Variants in AMPD1 observed in about 807,000 individuals in gnomAD.
The protein encoded by AMPD1 is adenosine monophosphate deaminase 1, also known as AMP deaminase 1.
AMPD1 carries 74 observed loss-of-function variants against 82.9 expected under a neutral mutation model. The observed-to-expected ratio is 0.89, with a 90% CI of 0.74 to 1.08. The LOEUF is 1.08. AMPD1 is among the 50% of genes least tolerant of loss of function. The probability of loss-of-function intolerance (pLI) is 0.00; values close to 1 mark genes in which losing one functional copy is unlikely to be tolerated. For missense variants in AMPD1, 881 were observed against 924.5 expected, an observed-to-expected ratio of 0.95 and a Z score of 0.61; for synonymous variants, 333 against 320.5, an observed-to-expected ratio of 1.04 and a Z score of -0.42.
rs1323985280 is a variant in AMPD1, at chr1:114,676,303, C to A, written c.1389-300G>T. On this transcript the variant is annotated intron_variant, in intron 10 of 15. Coordinates refer to ENST00000520113, the MANE Select transcript of AMPD1 (RefSeq NM_000036.3). ...CTCATAGAGGAATATGCAATTACGT[C>A]ATAAAAGCTTCAATATATGTGTGTA... 3 of 367,982 alleles carry A rather than the reference C, an allele frequency of 8.2e-6. No individual in the cohort carries two copies. The Admixed American group carries it at 1.2e-4, about 15-fold the overall frequency. The allele number at this position is 367,982 out of a possible 1,614,324, so 22.8% of individuals were successfully genotyped here.
At chr1:114,694,909 G>A (rs6663302) in intron 1 of AMPD1, among the ~76,000 whole-genome samples, 2 of 152,070 alleles carry the variant, frequency 1.3e-5, no homozygotes, top group South Asian at 2.1e-4. Flanking sequence ...CTTTCAAAAC[G>A]AATGTTTATT....
intron 9 of AMPD1, 103 bp downstream of exon 9, chr1:114,677,805 CCT>C (rs1658040737): frequency 3.0e-5 from 11 of 372,582 alleles, no homozygotes; most frequent in African/African-American, 1.1e-4. Context: ...CTCCCTCCTT[CCT>C]TCCTTCCTTC....
At position 114,680,294 on chromosome 1, in the gene AMPD1, C is replaced by T; in HGVS notation, c.732G>A (p.Met244Ile). 1 of 1,614,124 alleles carries T rather than the reference C, an allele frequency of 6.2e-7. No homozygotes were observed. ...YPNLDTFLDD[M>I]NFLLALIAQG... The stretch of plus-strand genomic sequence containing the variant: ...GAGCAATTAAAGCAAGTAAAAAATT[C>T]ATATCGTCTAAGAAGGTGTCCAGAT... Residue 244 changes from methionine (M) to isoleucine (I), a missense_variant, in exon 6 of 16, where the codon ATG becomes ATA. Transcript: ENST00000520113.
intron 2 of AMPD1, among the ~76,000 whole-genome samples, chr1:114,690,870 A>C (rs567385438): frequency 7.2e-5 from 11 of 152,278 alleles, no homozygotes; most frequent in African/African-American, 2.4e-4. Context: ...AAAGATGAGA[A>C]TGAGGATGAT....
intron 4 of AMPD1, among the ~76,000 whole-genome samples, chr1:114,685,124 T>C (rs1658273176): frequency 6.6e-6 from 1 of 152,146 alleles, no homozygotes; most frequent in African/African-American, 2.4e-5. Context: ...TCCCCAGTAG[T>C]TTAAGGTCCA....
intron 12 of AMPD1, chr1:114,675,087 A>T (rs929134664): frequency 1.6e-6 from 1 of 610,956 alleles, no homozygotes; most frequent in African/African-American, 1.8e-5. Flanking sequence ...TAAAGTGTTG[A>T]TTGCCTGGAT....
intron 10 of AMPD1, among the ~76,000 whole-genome samples, chr1:114,676,693 C>A (rs1327543829): frequency 6.6e-6 from 1 of 152,108 alleles, no homozygotes; most frequent in African/African-American, 2.4e-5. Flanking sequence ...CAAAAAATTA[C>A]TTTTTTTGGT....
intron 7 of AMPD1, 49 bp downstream of exon 7, chr1:114,679,530 T>C (rs1177549280): frequency 6.2e-7 from 1 of 1,608,078 alleles, no homozygotes; most frequent in Non-Finnish European, 8.5e-7. Context: ...CAATAAATAA[T>C]TGAATTGTTT....
intron 1 of AMPD1, among the ~76,000 whole-genome samples, chr1:114,694,078 G>A (rs1028047960): frequency 1.3e-5 from 2 of 152,120 alleles, no homozygotes; most frequent in East Asian, 1.9e-4. Flanking sequence ...AATTAGCCGG[G>A]CGTGGTGGCA....
In AMPD1 at chr1:114,678,520, G is replaced by A. The variant is rs759481062; in HGVS notation, c.905C>T (p.Thr302Ile). Reference sequence around the variant, plus strand: ...CATGCAAGCGGCTGCATGGATATGGGTGTCCACCTGTATGTATATTCAAAG... The same window carrying A: ...CATGCAAGCGGCTGCATGGATATGGATGTCCACCTGTATGTATATTCAAAG... ...RDFYNCRKVD[T>I]HIHAAACMNQ... The change falls in exon 8 of 16, where the codon ACC becomes ATC. Residue 302 changes from threonine to isoleucine, a missense_variant. By Grantham distance (89) the Thr-to-Ile change is moderately conservative (BLOSUM62 -1). This residue lies in a region of AMPD1 where 783 missense variants were observed against 786.4 expected (regional missense o/e 1.00). Transcript: ENST00000520113. 20 of 1,613,534 alleles carry A rather than the reference G, an allele frequency of 1.2e-5. No individual in the cohort carries two copies. The highest frequency in any genetic ancestry group is 4.4e-5 in the South Asian group (4 of 91,090).
Position 114,695,445 on chromosome 1 carries a change from C to A in AMPD1, c.22+5G>T, listed in dbSNP as rs764987569. Reference sequence around the variant, plus strand: ...CTGAGCTCTCCAAACACTTTGTACACCTACCTGGGAGTTTGAACAGAGGCA... The same window carrying A: ...CTGAGCTCTCCAAACACTTTGTACAACTACCTGGGAGTTTGAACAGAGGCA... On this transcript the variant is annotated splice_donor_5th_base_variant and intron_variant, in intron 1 of 15. Coordinates refer to ENST00000520113, the MANE Select transcript of AMPD1 (RefSeq NM_000036.3). 5 of 1,613,062 alleles carry A rather than the reference C, an allele frequency of 3.1e-6. 1 individual carries two copies. In the South Asian group the frequency reaches 5.5e-5, roughly 18 times the overall value.
chr1:114,677,771 TC>T (rs760321357), intron 9 of AMPD1, 138 bp downstream of exon 9: 280 of 413,724 alleles, frequency 6.8e-4, no homozygotes, highest in Non-Finnish European at 1.2e-3. Flanking sequence ...CCTCCCTCCC[TC>T]CCTTCCTTCC....
chr1:114,676,044 T>G lies in AMPD1; in HGVS notation c.1389-41A>C, dbSNP rs770097577. ...AAGAGAATTTAGGAGAAAAAAAGAT[T>G]TTTAGGACTGATAGCCCCAGTATGA... On this transcript the variant is annotated intron_variant, in intron 10 of 15. Transcript: ENST00000520113. 41 of 1,608,388 alleles carry G rather than the reference T, an allele frequency of 2.5e-5. No homozygotes were observed. In the African/African-American group the frequency reaches 5.5e-4, roughly 22 times the overall value.
rs1333665569 is a variant in AMPD1 at position 114,678,112 on chromosome 1, T to A, written c.1093-71A>T. ...CTGGACAGAGAGAGCTAGGAAATAG[T>A]CAAGCAGAACTGGGGTCTGGTAGTG... On this transcript the variant is annotated intron_variant, in intron 8 of 15. Transcript: ENST00000520113. 12 of 1,598,214 alleles carry A rather than the reference T, an allele frequency of 7.5e-6. No homozygotes were observed. The Admixed American group carries it at 1.2e-4, about 16-fold the overall frequency.
intron 4 of AMPD1, among the ~76,000 whole-genome samples, chr1:114,686,022 T>C (rs994032193): frequency 6.6e-6 from 1 of 152,164 alleles, no homozygotes; most frequent in African/African-American, 2.4e-5. Context: ...ATGATGCTGA[T>C]TCTGCAAGTC....
At chr1:114,678,583 CT>C in intron 7 of AMPD1, 56 bp from the exon 8 acceptor site, 1 of 1,491,518 alleles carries the variant, frequency 6.7e-7, no homozygotes, top group South Asian at 1.1e-5. Context: ...TTATGCTACT[CT>C]GTTTAGAGGA....
At chr1:114,694,202 C>T (rs528474887) in intron 1 of AMPD1, among the ~76,000 whole-genome samples, 9 of 151,318 alleles carry the variant, frequency 5.9e-5, no homozygotes, top group African/African-American at 1.5e-4. Context: ...GGTGACAGAG[C>T]GAGACTCTGT....
rs1657968829 is a variant in AMPD1 at position 114,675,926 on chromosome 1, G to A, written c.1466C>T (p.Ala489Val). The change falls in exon 11 of 16, where the codon GCC (alanine) becomes GTC (valine). Residue 489 changes from alanine to valine, a missense_variant. Around this residue, in one of 2 missense-constraint regions of AMPD1, gnomAD observed 783 missense variants for 786.4 expected, o/e 1.00. Coordinates refer to ENST00000520113, the MANE Select transcript of AMPD1 (RefSeq NM_000036.3). Reference sequence around the variant, plus strand: ...TGGGTCAGCCTGGGGGTTGATGGTGGCCTCAAACACTGGCATGAAAATATT... The same window carrying A: ...TGGGTCAGCCTGGGGGTTGATGGTGACCTCAAACACTGGCATGAAAATATT... ...LENIFMPVFE[A>V]TINPQADPEL... is the part of the protein sequence containing the mutation. The A allele has an allele frequency of 1.2e-6, 2 of 1,614,166 alleles. No homozygotes were observed. Among genetic ancestry groups the A allele is most frequent in the South Asian group, 2.2e-5 (2 of 91,084 alleles).
chr1:114,680,594 T>C, intron 5 of AMPD1, 116 bp from the exon 6 acceptor site: 1 of 847,698 alleles, frequency 1.2e-6, no homozygotes, highest in South Asian at 1.4e-5. Flanking sequence ...GTACTTAAGT[T>C]GTAATTATCT....
Sources: gnomAD v4.1 joint callset for allele counts (sites outside exome capture counted in the v4.1 genomes callset) on GRCh38, gnomAD v4.1.1 for gene constraint, gnomAD v4.1.1 regional missense constraint, MANE v1.5 for transcripts, NCBI Gene and HGNC (gene_info 2026-07-23, HGNC 2026-07-21) for gene names.